PCDH15: variants seen among roughly 807,000 people sequenced by gnomAD.
The protein encoded by PCDH15 is protocadherin related 15.
In PCDH15, 129 loss-of-function variants were observed where a neutral mutation model predicts 178.5. The observed-to-expected ratio is 0.72, with a 90% CI of 0.63 to 0.84. The LOEUF (loss-of-function observed/expected upper bound fraction) is 0.84. Among genes scored for constraint, PCDH15 ranks in the 40% least tolerant of loss-of-function variants. The pLI is 0.00. For missense variants in PCDH15, 2,230 were observed against 2,099.9 expected, an observed-to-expected ratio of 1.06 and a Z score of -1.21; for synonymous variants, 800 against 732.0, an observed-to-expected ratio of 1.09 and a Z score of -1.50.
chr10:54,981,355 G>A (rs1452429934), intron 2 of PCDH15, among the ~76,000 whole-genome samples: 1 of 151,942 alleles, frequency 6.6e-6, no homozygotes, highest in Non-Finnish European at 1.5e-5. Flanking sequence ...CACATATCTT[G>A]CTCACTACCC....
At chr10:55,240,659 T>TTTCTC in intron 1 of PCDH15, among the ~76,000 whole-genome samples, 1 of 152,242 alleles carries the variant, frequency 6.6e-6, no homozygotes, top group Non-Finnish European at 1.5e-5. Flanking sequence ...GTTCATAATA[T>TTTCTC]GTTTCTCTGT....
intron 15 of PCDH15, among the ~76,000 whole-genome samples, chr10:54,109,551 A>G (rs1322103794): frequency 6.6e-6 from 1 of 152,194 alleles, no homozygotes; most frequent in Non-Finnish European, 1.5e-5. Flanking sequence ...CATCAAATTA[A>G]GGGAAATAAG....
At chr10:55,548,674 G>C (rs1841941668) in intron 2 of PCDH15, among the ~76,000 whole-genome samples, 1 of 152,106 alleles carries the variant, frequency 6.6e-6, no homozygotes, top group South Asian at 2.1e-4. Flanking sequence ...ATACACTTTA[G>C]CAACAGTACA....
At chr10:53,966,779 G>A (rs1315998442) in intron 21 of PCDH15, among the ~76,000 whole-genome samples, 5 of 151,560 alleles carry the variant, frequency 3.3e-5, no homozygotes, top group Non-Finnish European at 5.9e-5. Context: ...GTATTCTAAT[G>A]TATAAAACTC....
intron 2 of PCDH15, among the ~76,000 whole-genome samples, chr10:55,138,045 T>C (rs1046942123): frequency 6.6e-6 from 1 of 152,164 alleles, no homozygotes; most frequent in Non-Finnish European, 1.5e-5. Flanking sequence ...CAGGTAAGTT[T>C]TGCTAGTTAG....
intron 2 of PCDH15, among the ~76,000 whole-genome samples, chr10:55,336,598 G>A (rs575467942): frequency 2.0e-5 from 3 of 152,116 alleles, no homozygotes; most frequent in East Asian, 3.9e-4. Flanking sequence ...TCCTAAACGT[G>A]GAGGAAAGTA....
chr10:55,190,611 A>C (rs2132145487), intron 1 of PCDH15, among the ~76,000 whole-genome samples: 1 of 151,860 alleles, frequency 6.6e-6, no homozygotes, highest in South Asian at 2.1e-4. Context: ...ATAATTTAAT[A>C]ATTGACCAAG....
intron 7 of PCDH15, among the ~76,000 whole-genome samples, chr10:54,321,121 T>C (rs2061576294): frequency 6.7e-6 from 1 of 150,302 alleles, no homozygotes; most frequent in Non-Finnish European, 1.5e-5. Context: ...ACATATTTAA[T>C]ATGTATTTGT....
intron 2 of PCDH15, among the ~76,000 whole-genome samples, chr10:55,355,497 C>T (rs763040919): frequency 6.6e-6 from 1 of 151,920 alleles, no homozygotes; most frequent in Non-Finnish European, 1.5e-5. Flanking sequence ...CTTATGTTGT[C>T]GCACATATTT....
intron 18 of PCDH15, among the ~76,000 whole-genome samples, chr10:54,056,408 G>C (rs1393415218): frequency 1.3e-5 from 2 of 152,156 alleles, no homozygotes; most frequent in Non-Finnish European, 2.9e-5. Context: ...GGCTGGGGAA[G>C]CCTCGCAATC....
intron 2 of PCDH15, among the ~76,000 whole-genome samples, chr10:55,139,596 G>A (rs1838292733): frequency 6.6e-6 from 1 of 152,056 alleles, no homozygotes; most frequent in East Asian, 1.9e-4. Flanking sequence ...AAGTTAGTTG[G>A]ATATATTTAT....
At chr10:55,428,286 T>C (rs1015505118) in intron 2 of PCDH15, among the ~76,000 whole-genome samples, 1 of 151,988 alleles carries the variant, frequency 6.6e-6, no homozygotes, top group Non-Finnish European at 1.5e-5. Context: ...AATATAATTG[T>C]GTATTTATCT....
intron 1 of PCDH15, among the ~76,000 whole-genome samples, chr10:54,691,488 AC>A (rs1355390023): frequency 6.6e-6 from 1 of 151,832 alleles, no homozygotes; most frequent in Non-Finnish European, 1.5e-5. Context: ...GTTGAGAATG[AC>A]CTTTTGCACC....
intron 2 of PCDH15, among the ~76,000 whole-genome samples, chr10:54,961,200 C>T (rs1485953499): frequency 1.3e-5 from 2 of 152,184 alleles, no homozygotes; most frequent in Non-Finnish European, 2.9e-5. Flanking sequence ...TGTGGCTGAG[C>T]CAGGGTGCTG....
intron 2 of PCDH15, among the ~76,000 whole-genome samples, chr10:54,647,957 T>C (rs747658394): frequency 6.6e-6 from 1 of 152,090 alleles, no homozygotes; most frequent in Non-Finnish European, 1.5e-5. Context: ...CTTGGTATCA[T>C]ATCATCAAAC....
chr10:54,474,700 A>G (rs186270950), intron 3 of PCDH15, among the ~76,000 whole-genome samples: 171 of 152,134 alleles, frequency 1.1e-3, no homozygotes, highest in African/African-American at 3.8e-3. Context: ...TTTATTAACA[A>G]AACACTAAAC....
intron 2 of PCDH15, among the ~76,000 whole-genome samples, chr10:55,070,104 C>T (rs1171095575): frequency 7.6e-4 from 114 of 149,138 alleles, no homozygotes; most frequent in South Asian, 6.1e-3. Context: ...TCATGTCCTT[C>T]GCCCACTTTT....
intron 2 of PCDH15, among the ~76,000 whole-genome samples, chr10:55,379,121 T>TATATATATATAA (rs953825079): frequency 3.3e-5 from 5 of 151,542 alleles, no homozygotes; most frequent in African/African-American, 1.2e-4. Flanking sequence ...TATATATATA[T>TATATATATATAA]ATGTATGTAT....
intron 16 of PCDH15, among the ~76,000 whole-genome samples, chr10:54,083,678 G>T (rs1319111277): frequency 2.0e-5 from 3 of 152,148 alleles, no homozygotes; most frequent in Non-Finnish European, 4.4e-5. Flanking sequence ...TATTTGGAGT[G>T]ATGAAGCTAT....
Sources: gnomAD v4.1 joint callset for allele counts (sites outside exome capture counted in the v4.1 genomes callset) on GRCh38, gnomAD v4.1.1 for gene constraint, MANE v1.5 for transcripts, NCBI Gene and HGNC (gene_info 2026-07-23, HGNC 2026-07-21) for gene names.